Variants in PRKCE observed in about 807,000 individuals in gnomAD.
The protein encoded by PRKCE is protein kinase C epsilon, also known as protein kinase C epsilon type.
Under a neutral mutation model 85.4 loss-of-function variants are expected in PRKCE, and 16 were observed. The ratio of observed to expected loss-of-function variants is 0.19; its 90% CI spans 0.13 to 0.28. The LOEUF is 0.28. Ranked by LOEUF, PRKCE falls within the 10% of genes least tolerant of loss-of-function variation. The pLI is 1.00. For synonymous variants in PRKCE, 388 were observed against 371.5 expected (o/e 1.04, Z -0.51); for missense variants, 573 against 975.2 (o/e 0.59, Z 5.49).
chr2:46,007,275 G>T (rs374404482), intron 8 of PRKCE, among the ~76,000 whole-genome samples, 187 bp from the exon 9 acceptor site: 6 of 152,300 alleles, frequency 3.9e-5, no homozygotes, highest in African/African-American at 1.4e-4. Flanking sequence ...GCTCTGCTGC[G>T]CATTAGGTGC....
chr2:46,144,674 C>T (rs771747134), intron 11 of PRKCE, among the ~76,000 whole-genome samples: 3 of 152,126 alleles, frequency 2.0e-5, no homozygotes, highest in Non-Finnish European at 2.9e-5. Flanking sequence ...TGGTTTTAAC[C>T]GTTTCGTTGA....
At chr2:45,733,590 A>C (rs1231639006) in intron 1 of PRKCE, among the ~76,000 whole-genome samples, 1 of 152,178 alleles carries the variant, frequency 6.6e-6, no homozygotes, top group Non-Finnish European at 1.5e-5. Context: ...GCTGGTCAGC[A>C]CTGGCCTCGT....
rs549587810 is a variant in PRKCE at position 46,121,802 on chromosome 2, G to T, written c.1593-23291G>T. 5.9e-5 allele frequency among the ~76,000 whole-genome samples: 9 copies of T among 152,294 alleles called. No homozygotes were observed. In the East Asian group the frequency reaches 1.7e-3, roughly 29 times the overall value. ...AAACATGTACTAAACTGATGCTCAT[G>T]AATGCTGTGGACAGGAGTCAAGATC... On this transcript the variant is annotated intron_variant, in intron 11 of 14. Coordinates refer to ENST00000306156, the MANE Select transcript of PRKCE (RefSeq NM_005400.3).
intron 10 of PRKCE, among the ~76,000 whole-genome samples, chr2:46,083,573 A>G (rs1312645632): frequency 6.6e-6 from 1 of 152,168 alleles, no homozygotes; most frequent in African/African-American, 2.4e-5. Context: ...GGTGTGGTTC[A>G]GTGTTCAGTG....
chr2:45,984,733 C>T (rs1171739774), intron 6 of PRKCE, 53 bp downstream of exon 6: 1 of 1,566,656 alleles, frequency 6.4e-7, no homozygotes, highest in African/African-American at 1.3e-5. Context: ...TTCCTTGCTG[C>T]CTGCCCCCAT....
intron 11 of PRKCE, among the ~76,000 whole-genome samples, chr2:46,115,781 A>C (rs1286850521): frequency 6.6e-6 from 1 of 152,178 alleles, no homozygotes; most frequent in Non-Finnish European, 1.5e-5. Flanking sequence ...CCCGTTTGTA[A>C]TTAGCACCCC....
chr2:45,800,793 A>G (rs148930916), intron 1 of PRKCE, among the ~76,000 whole-genome samples: 2 of 152,336 alleles, frequency 1.3e-5, no homozygotes, highest in Admixed American at 6.5e-5. Context: ...CGGCCCGTAA[A>G]TCTTCACTAA....
intron 2 of PRKCE, among the ~76,000 whole-genome samples, chr2:45,906,513 G>A (rs1221295719): frequency 6.6e-6 from 1 of 152,240 alleles, no homozygotes; most frequent in East Asian, 1.9e-4. Flanking sequence ...TCTAATTCAA[G>A]GGCAGGGAAG....
At chr2:46,010,618 G>A (rs61758293) in intron 10 of PRKCE, 101 bp downstream of exon 10, 1 of 1,599,216 alleles carries the variant, frequency 6.3e-7, no homozygotes, top group African/African-American at 1.3e-5. Context: ...CAAAGACTTT[G>A]TAAAGTGGGA....
intron 11 of PRKCE, among the ~76,000 whole-genome samples, chr2:46,126,839 A>G (rs1410093930): frequency 1.3e-5 from 2 of 152,208 alleles, no homozygotes; most frequent in Admixed American, 1.3e-4. Context: ...GCATGGAGCC[A>G]GTAGATGCTG....
intron 1 of PRKCE, among the ~76,000 whole-genome samples, chr2:45,789,796 T>C (rs1686896333): frequency 1.3e-5 from 2 of 152,366 alleles, no homozygotes; most frequent in Non-Finnish European, 2.9e-5. Context: ...TGCCTGTAAT[T>C]AATATTTATA....
Position 45,895,631 on chromosome 2 carries a change from C to G in PRKCE, c.412+52568C>G, listed in dbSNP as rs1208212046. Among the ~76,000 whole-genome samples, 2 of 152,226 alleles carry G rather than the reference C, an allele frequency of 1.3e-5. No homozygotes were observed. Among genetic ancestry groups the G allele is most frequent in the Non-Finnish European group, 2.9e-5 (2 of 68,044 alleles). On this transcript the variant is annotated intron_variant, in intron 2 of 14. Transcript: ENST00000306156. The surrounding 1 kb of genome is among the most constrained non-coding windows in gnomAD (Gnocchi z 4.8). ...TGTTTTATTCATTTGGTAGAAGTCA[C>G]TCTAATGGCATGCAGGGTAGATGAT...
chr2:46,149,388 T>C (rs560009095), intron 12 of PRKCE, among the ~76,000 whole-genome samples: 1 of 152,272 alleles, frequency 6.6e-6, no homozygotes, highest in South Asian at 2.1e-4. Flanking sequence ...TTTAAAATTC[T>C]TTATAGAATT....
intron 1 of PRKCE, among the ~76,000 whole-genome samples, chr2:45,751,233 G>T (rs1310782276): frequency 6.6e-6 from 1 of 152,148 alleles, no homozygotes; most frequent in Non-Finnish European, 1.5e-5. Context: ...TCATAGGGTT[G>T]TTCTGAGGAT....
intron 11 of PRKCE, among the ~76,000 whole-genome samples, chr2:46,089,607 GC>G (rs1446493088): frequency 6.6e-6 from 1 of 152,188 alleles, no homozygotes; most frequent in Admixed American, 6.5e-5. Flanking sequence ...TGGCCCCGGG[GC>G]TGCTGTGCAT....
intron 1 of PRKCE, among the ~76,000 whole-genome samples, chr2:45,657,981 G>A (rs1166738826): frequency 6.6e-6 from 1 of 152,212 alleles, no homozygotes; most frequent in Non-Finnish European, 1.5e-5. Context: ...CAGCCTGACC[G>A]CACTTTGATA....
At chr2:45,823,177 G>A (rs73928814) in intron 1 of PRKCE, among the ~76,000 whole-genome samples, 6,428 of 152,274 alleles carry the variant, frequency 0.042, 183 homozygotes, top group East Asian at 0.1. Context: ...CTCCACTAGG[G>A]CTTTGAATAT....
chr2:46,051,167 C>T (rs754842565), intron 10 of PRKCE, among the ~76,000 whole-genome samples: 4 of 152,192 alleles, frequency 2.6e-5, no homozygotes, highest in Non-Finnish European at 4.4e-5. Flanking sequence ...ATAACAAATC[C>T]TCTTTCCCAC....
At chr2:45,726,376 T>C (rs570722079) in intron 1 of PRKCE, among the ~76,000 whole-genome samples, 1 of 152,302 alleles carries the variant, frequency 6.6e-6, no homozygotes, top group South Asian at 2.1e-4. Flanking sequence ...GCTGTGGGGT[T>C]GCCACAGCCA....
Sources: allele counts gnomAD v4.1 joint callset (sites outside exome capture counted in the v4.1 genomes callset), GRCh38; gene constraint gnomAD v4.1.1; non-coding constraint Gnocchi (gnomAD v3.1); transcripts MANE v1.5; gene names NCBI Gene and HGNC (gene_info 2026-07-23, HGNC 2026-07-21).